Variants in NLRC3 observed in about 807,000 individuals in gnomAD.
The protein encoded by NLRC3 is NLR family CARD domain-containing protein 3.
In NLRC3, 87 loss-of-function variants were observed where a neutral mutation model predicts 91.6. That is an observed-to-expected ratio of 0.95 (90% CI 0.80 to 1.14). The LOEUF is 1.14. Ranked by LOEUF, NLRC3 falls within the 50% of genes most tolerant of loss-of-function variation. NLRC3 has a pLI of 0.00. For synonymous variants in NLRC3, 694 were observed against 625.3 expected (o/e 1.11, Z -1.64); for missense variants, 1,577 against 1,418.6 (o/e 1.11, Z -1.79).
chr16:3,541,577 T>G lies in NLRC3; in HGVS notation c.*248A>C. On this transcript the variant is annotated 3_prime_UTR_variant, in exon 20 of 20. Transcript: ENST00000359128. ...TTCAGGCCTTTGGCCCCTAGTCCCT[T>G]GGGGGTGGCCCCTCCCTTCTCTGTG... 1 of 529,802 alleles carries G rather than the reference T, an allele frequency of 1.9e-6. No individual in the cohort carries two copies. Among genetic ancestry groups the G allele is most frequent in the South Asian group, 2.4e-5 (1 of 41,104 alleles). The allele number at this position is 529,802 out of a possible 1,614,324, so 32.8% of individuals were successfully genotyped here. A position where few individuals can be genotyped will look rare whatever the true frequency, so the allele number is the denominator to read the frequency against.
At chr16:3,550,557 G>A (rs2038939847) in intron 10 of NLRC3, 60 bp from the exon 11 acceptor site, 1 of 1,255,582 alleles carries the variant, frequency 8.0e-7, no homozygotes. Context: ...GGGCTGGGCA[G>A]AGGGATCAGA....
chr16:3,548,600 C>T (rs1158923902), intron 14 of NLRC3, 70 bp downstream of exon 14: 29 of 1,171,338 alleles, frequency 2.5e-5, no homozygotes, highest in East Asian at 5.1e-5. Context: ...GCCTGTGCAT[C>T]GTTGGTTTGG....
chr16:3,555,923 AAAATAAATAAAT>A (rs61481021), intron 8 of NLRC3: 6,423 of 137,506 alleles, frequency 0.047, 151 homozygotes, highest in Non-Finnish European at 0.051. Flanking sequence ...CACCCTAATA[AAAATAAATAAAT>A]AAATAAATAA....
At chr16:3,569,198 C>G (rs2039993578) in intron 1 of NLRC3, among the ~76,000 whole-genome samples, 1 of 151,028 alleles carries the variant, frequency 6.6e-6, no homozygotes, top group South Asian at 2.1e-4. Context: ...CCTGTAATCC[C>G]AGCTATTGGG....
intron 6 of NLRC3, among the ~76,000 whole-genome samples, chr16:3,559,396 C>T (rs762257408): frequency 2.0e-5 from 3 of 152,032 alleles, no homozygotes; most frequent in Non-Finnish European, 4.4e-5. Context: ...TGGCATCTTG[C>T]CATATGTTTG....
chr16:3,549,296 T>C (rs2038872319), intron 12 of NLRC3, 71 bp from the exon 13 acceptor site: 1 of 1,141,186 alleles, frequency 8.8e-7, no homozygotes, highest in Non-Finnish European at 1.3e-6. Flanking sequence ...AGCCCAGGTG[T>C]TTAGGCTTCT....
In NLRC3 at chr16:3,564,798, G is replaced by T. The variant is rs199476276; in HGVS notation, c.179-40C>A. The T allele has an allele frequency of 1.8e-4, 289 of 1,567,744 alleles. No individual in the cohort carries two copies. The highest frequency in any genetic ancestry group is 2.3e-4 in the Non-Finnish European group (264 of 1,159,060). On this transcript the variant is annotated intron_variant, in intron 4 of 19. Transcript: ENST00000359128. This position sits in a 1 kb window ranked among gnomAD's most constrained non-coding sequence, Gnocchi z 5.9. The stretch of plus-strand genomic sequence containing the variant: ...CCAGTGGGGAGGTCTGGTAAGGGAA[G>T]AGTGGGCACAATCAGCCCAGGTGTT...
At chr16:3,576,220 G>T (rs973601550) in intron 1 of NLRC3, among the ~76,000 whole-genome samples, 2 of 152,182 alleles carry the variant, frequency 1.3e-5, no homozygotes, top group African/African-American at 4.8e-5. Context: ...CATAGGGGAA[G>T]ACCCTGCAGC....
rs1433686432 is a variant in NLRC3 at position 3,563,779 on chromosome 16, G to C, written c.1158C>G (p.Ile386Met). 9 of 1,612,898 alleles carry C rather than the reference G, an allele frequency of 5.6e-6. No homozygotes were observed. The Admixed American group carries it at 1.5e-4, about 27-fold the overall frequency. The change falls in exon 5 of 20, where the codon ATC becomes ATG. Residue 386 changes from isoleucine (I) to methionine (M), a missense_variant. Physicochemically the swap from Ile to Met is conservative, Grantham distance 10 (BLOSUM62 1). Transcript: ENST00000359128. ...GQEKGKASPR[I>M]EQVAHGGRKM... ...TGCGGCCACCATGGGCCACCTGCTC[G>C]ATGCGAGGGCTTGCCTTGCCCTTCT...
intron 17 of NLRC3, 85 bp downstream of exon 17, chr16:3,543,340 T>C: frequency 1.1e-6 from 1 of 939,642 alleles, no homozygotes; most frequent in Admixed American, 2.0e-5. Context: ...GTGAGTTGTC[T>C]GTAAACTTTG....
intron 12 of NLRC3, among the ~76,000 whole-genome samples, chr16:3,549,496 A>G (rs2038884004): frequency 6.6e-6 from 1 of 152,140 alleles, no homozygotes; most frequent in South Asian, 2.1e-4. Flanking sequence ...CTCAGCGTGC[A>G]TCTGGGAAGG....
Position 3,563,859 on chromosome 16 carries a change from G to A in NLRC3, c.1078C>T (p.Leu360=), listed in dbSNP as rs2039739179. Residue 360 remains leucine (L), a synonymous_variant, in exon 5 of 20, where the codon CTG becomes TTG. Transcript: ENST00000359128. ...AAGTACCATGAGTAGAGCTCGCACAGGGTCCTCGGGGGCCACAGCTCTGCA... is the reference window on the plus strand; with the variant it reads ...AAGTACCATGAGTAGAGCTCGCACAAGGTCCTCGGGGGCCACAGCTCTGCA... ...QDAELWPPRT[L]CELYSWYFRM... The A allele has an allele frequency of 6.2e-7, 1 of 1,603,812 alleles. No homozygotes were observed. The highest frequency in any genetic ancestry group is 1.7e-5 in the Admixed American group (1 of 59,216).
rs770130330 is a variant in NLRC3, at chr16:3,563,878, C to G, written c.1059G>C (p.Glu353Asp). The stretch of plus-strand genomic sequence containing the variant: ...CGCACAGGGTCCTCGGGGGCCACAG[C>G]TCTGCATCCTGGGGCCCCGTCCTGC... ...WRSRTGPQDAELWPPRTLCEL... is the reference protein window; with the variant it reads ...WRSRTGPQDADLWPPRTLCEL... The change falls in exon 5 of 20, where the codon GAG becomes GAC. Residue 353 changes from glutamate (E) to aspartate (D), a missense_variant. Glu to Asp is a conservative substitution (Grantham distance 45). Transcript: ENST00000359128. The G allele has an allele frequency of 1.2e-6, 2 of 1,601,366 alleles. No individual in the cohort carries two copies. Among genetic ancestry groups the G allele is most frequent in the East Asian group, 4.5e-5 (2 of 44,766 alleles).
At chr16:3,570,228 C>T (rs1446995231) in intron 1 of NLRC3, among the ~76,000 whole-genome samples, 1 of 152,080 alleles carries the variant, frequency 6.6e-6, no homozygotes, top group East Asian at 1.9e-4. Context: ...ACCTCAGCCT[C>T]CCAAAGTGCT....
intron 17 of NLRC3, 162 bp downstream of exon 17, chr16:3,543,263 G>A (rs921045467): frequency 6.4e-6 from 4 of 626,344 alleles, no homozygotes; most frequent in South Asian, 1.8e-5. Context: ...GACTCCCAGG[G>A]AAAGGCATGA....
intron 10 of NLRC3, among the ~76,000 whole-genome samples, chr16:3,551,228 C>T (rs2038980182): frequency 6.6e-6 from 1 of 151,384 alleles, no homozygotes; most frequent in African/African-American, 2.4e-5. Flanking sequence ...ATTCATCCAT[C>T]CATCCACCCA....
intron 15 of NLRC3, chr16:3,544,558 A>G (rs769407391): frequency 2.2e-5 from 12 of 538,664 alleles, no homozygotes; most frequent in Non-Finnish European, 3.0e-5. Context: ...AGAGGCAAGC[A>G]GGAAATGGGA....
In NLRC3 at chr16:3,548,116, C is replaced by G. The variant is rs369570625; in HGVS notation, c.2771+19G>C. 3 of 1,545,200 alleles carry G rather than the reference C, an allele frequency of 1.9e-6. No homozygotes were observed. The highest frequency in any genetic ancestry group is 2.6e-6 in the Non-Finnish European group (3 of 1,137,202). On this transcript the variant is annotated intron_variant, in intron 15 of 19. Transcript: ENST00000359128. ...CCTCAACAGCCCCCGCCCTGCAGCC[C>G]CTGGGCAGGCCAACTTACTCTAAGC...
chr16:3,563,392 G>A lies in NLRC3; in HGVS notation c.1545C>T (p.Arg515=). ...AEDGRLDVFL[R]FLSGLLSPRV... ...TCGGAGACAAGAGGCCGGAGAGGAA[G>A]CGCAGGAACACGTCCAGCCTCCCGT... is the stretch of plus-strand genomic sequence containing the variant. The change falls in exon 5 of 20, where the codon CGC becomes CGT. Residue 515 remains arginine, a synonymous_variant. Transcript: ENST00000359128. 6.3e-7 allele frequency: 1 copy of A among 1,581,156 alleles called. No individual in the cohort carries two copies. The highest frequency in any genetic ancestry group is 8.6e-7 in the Non-Finnish European group (1 of 1,164,228).
Sources: gnomAD v4.1 joint callset for allele counts (sites outside exome capture counted in the v4.1 genomes callset) on GRCh38, gnomAD v4.1.1 for gene constraint, Gnocchi (gnomAD v3.1) non-coding constraint, MANE v1.5 for transcripts, NCBI Gene and HGNC (gene_info 2026-07-23, HGNC 2026-07-21) for gene names.